The following SMURF2 variants were observed in gnomAD, a reference collection of about 807,000 sequenced individuals.
SMURF2 encodes the protein E3 ubiquitin-protein ligase SMURF2.
A neutral mutation model predicts 109.6 loss-of-function variants in SMURF2; 48 were observed. That is an observed-to-expected ratio of 0.44 (90% CI 0.35 to 0.56). The LOEUF is 0.56. Ranked by LOEUF, SMURF2 falls within the 20% of genes least tolerant of loss-of-function variation. SMURF2 has a pLI of 0.01. For missense variants in SMURF2, 575 were observed against 909.0 expected (o/e 0.63, Z 4.72); for synonymous variants, 288 against 317.1 (o/e 0.91, Z 0.97).
rs551890132 is a variant in SMURF2, at chr17:64,608,686, G to A, written c.53-2046C>T. Among the ~76,000 whole-genome samples the A allele has an allele frequency of 1.4e-4, 22 of 152,206 alleles. 1 individual carries two copies. The highest frequency in any genetic ancestry group is 8.3e-4 in the South Asian group (4 of 4,818). ...CCGACTTCAGAGAAAGAGAAAACAT[G>A]AGATCTCCTCCAACTCACTGCCACC... is the stretch of plus-strand genomic sequence containing the variant. On this transcript the variant is annotated intron_variant, in intron 1 of 18. Transcript: ENST00000262435.
chr17:64,638,509 T>C (rs1478873426), intron 1 of SMURF2, among the ~76,000 whole-genome samples: 1 of 152,256 alleles, frequency 6.6e-6, no homozygotes, highest in Non-Finnish European at 1.5e-5. Context: ...CCTGTTGTTA[T>C]TGATGGCTTA....
chr17:64,565,660 T>G (rs1969290531), intron 10 of SMURF2, among the ~76,000 whole-genome samples: 1 of 151,722 alleles, frequency 6.6e-6, no homozygotes, highest in Non-Finnish European at 1.5e-5. Context: ...AAATCCCAGC[T>G]CTAGCACCTT....
chr17:64,603,627 G>A (rs1404150486), intron 2 of SMURF2, among the ~76,000 whole-genome samples: 1 of 151,564 alleles, frequency 6.6e-6, no homozygotes, highest in East Asian at 1.9e-4. Context: ...GTAAATATGT[G>A]ATAAAGTTAA....
At chr17:64,621,909 T>A (rs576926951) in intron 1 of SMURF2, among the ~76,000 whole-genome samples, 3 of 140,794 alleles carry the variant, frequency 2.1e-5, no homozygotes, top group South Asian at 2.2e-4. Flanking sequence ...AAATAAATAA[T>A]AATAATAATA....
At chr17:64,615,012 A>T (rs926254152) in intron 1 of SMURF2, among the ~76,000 whole-genome samples, 1 of 152,212 alleles carries the variant, frequency 6.6e-6, no homozygotes, top group Admixed American at 6.5e-5. Flanking sequence ...TTAGGTCAAT[A>T]ATTTATTTTT....
intron 1 of SMURF2, among the ~76,000 whole-genome samples, chr17:64,660,254 C>T (rs1312643276): frequency 6.6e-6 from 1 of 152,154 alleles, no homozygotes; most frequent in African/African-American, 2.4e-5. Context: ...ATTTCTGATG[C>T]TTTCTGCACA....
chr17:64,624,165 C>A (rs1970238218), intron 1 of SMURF2, among the ~76,000 whole-genome samples: 1 of 152,076 alleles, frequency 6.6e-6, no homozygotes, highest in African/African-American at 2.4e-5. Flanking sequence ...CAATAGAGTC[C>A]TCCTTCAACC....
chr17:64,628,267 T>C (rs564617332), intron 1 of SMURF2, among the ~76,000 whole-genome samples: 5 of 152,330 alleles, frequency 3.3e-5, no homozygotes, highest in Admixed American at 2.0e-4. Context: ...TTAGTCCACC[T>C]GTGTCCTAAG....
At chr17:64,568,269 C>T (rs1172399004) in intron 10 of SMURF2, among the ~76,000 whole-genome samples, 1 of 152,144 alleles carries the variant, frequency 6.6e-6, no homozygotes, top group South Asian at 2.1e-4. Flanking sequence ...GGATTATAGG[C>T]GTTGAGCCAC....
chr17:64,653,424 T>C (rs920839919), intron 1 of SMURF2, among the ~76,000 whole-genome samples: 2 of 151,346 alleles, frequency 1.3e-5, no homozygotes, highest in South Asian at 2.1e-4. Flanking sequence ...CTGAAACTCA[T>C]ACAATGCTGG....
intron 18 of SMURF2, 53 bp from the exon 19 acceptor site, chr17:64,546,000 G>T: frequency 8.4e-7 from 1 of 1,188,764 alleles, no homozygotes; most frequent in Non-Finnish European, 1.3e-6. Context: ...AAGTAAACTG[G>T]CCTAGCAAGT....
At chr17:64,654,751 C>T (rs188474677) in intron 1 of SMURF2, among the ~76,000 whole-genome samples, 6 of 152,298 alleles carry the variant, frequency 3.9e-5, no homozygotes, top group Non-Finnish European at 7.4e-5. Context: ...ATCGCTTGAA[C>T]CCAGGAGGCA....
At chr17:64,650,731 G>A (rs1487128208) in intron 1 of SMURF2, among the ~76,000 whole-genome samples, 1 of 152,088 alleles carries the variant, frequency 6.6e-6, no homozygotes, top group Non-Finnish European at 1.5e-5. Context: ...TGGGGAGGCT[G>A]AGGCAGGAGA....
intron 1 of SMURF2, among the ~76,000 whole-genome samples, chr17:64,660,373 A>G (rs1970758317): frequency 6.6e-6 from 1 of 152,154 alleles, no homozygotes; most frequent in Non-Finnish European, 1.5e-5. Flanking sequence ...GACTCCTCCC[A>G]ATGTAAGGAC....
chr17:64,574,333 T>A (rs1022927505), intron 9 of SMURF2, among the ~76,000 whole-genome samples: 3 of 152,180 alleles, frequency 2.0e-5, no homozygotes, highest in African/African-American at 7.2e-5. Context: ...TATACAGTCA[T>A]ACAAAGTAAC....
chr17:64,551,988 TGA>T (rs772892270), intron 15 of SMURF2, among the ~76,000 whole-genome samples: 2 of 152,226 alleles, frequency 1.3e-5, no homozygotes, highest in Non-Finnish European at 2.9e-5. Flanking sequence ...CTACTAGAGC[TGA>T]GTCTTGATGA....
intron 9 of SMURF2, among the ~76,000 whole-genome samples, chr17:64,573,345 G>A (rs1446342486): frequency 6.6e-6 from 1 of 151,356 alleles, no homozygotes; most frequent in Non-Finnish European, 1.5e-5. Context: ...ATAATTATAA[G>A]TAATCACAAA....
At chr17:64,577,598 AAGAG>A (rs1312754336) in intron 9 of SMURF2, among the ~76,000 whole-genome samples, 507 of 150,382 alleles carry the variant, frequency 3.4e-3, no homozygotes, top group Non-Finnish European at 4.8e-3. Context: ...AAAAAAAAAA[AAGAG>A]AGAGAGAGAG....
intron 1 of SMURF2, among the ~76,000 whole-genome samples, chr17:64,613,901 G>T (rs1185727553): frequency 1.3e-5 from 2 of 152,024 alleles, no homozygotes; most frequent in African/African-American, 4.8e-5. Flanking sequence ...CCCTGAGCTT[G>T]TTTTCCTGCA....
Sources: gnomAD v4.1 joint callset for allele counts (sites outside exome capture counted in the v4.1 genomes callset) on GRCh38, gnomAD v4.1.1 for gene constraint, MANE v1.5 for transcripts, NCBI Gene and HGNC (gene_info 2026-07-23, HGNC 2026-07-21) for gene names.